PARD3B: variants seen among roughly 807,000 people sequenced by gnomAD.
PARD3B encodes the protein partitioning defective 3 homolog B.
In PARD3B, 103 loss-of-function variants were observed where a neutral mutation model predicts 130.2. The observed-to-expected ratio is 0.79, with a 90% CI of 0.67 to 0.93. The LOEUF is 0.93. Ranked by LOEUF, PARD3B falls within the 40% of genes least tolerant of loss-of-function variation. The pLI is 0.00. For missense variants in PARD3B, 1,609 were observed against 1,499.2 expected, an observed-to-expected ratio of 1.07 and a Z score of -1.21; for synonymous variants, 583 against 553.2, an observed-to-expected ratio of 1.05 and a Z score of -0.76.
At chr2:205,488,479 T>C (rs1379265581) in intron 20 of PARD3B, among the ~76,000 whole-genome samples, 1 of 152,154 alleles carries the variant, frequency 6.6e-6, no homozygotes, top group African/African-American at 2.4e-5. Context: ...TACCAGTTTA[T>C]GGCCTGGGGG....
At chr2:205,423,229 G>T (rs545031289) in intron 19 of PARD3B, among the ~76,000 whole-genome samples, 1 of 152,270 alleles carries the variant, frequency 6.6e-6, no homozygotes, top group Admixed American at 6.5e-5. Context: ...CCAGTGCTGT[G>T]TCCTCAGTGT....
intron 4 of PARD3B, among the ~76,000 whole-genome samples, chr2:205,062,813 A>T (rs1575678482): frequency 6.6e-6 from 1 of 152,182 alleles, no homozygotes; most frequent in Non-Finnish European, 1.5e-5. Context: ...ATTTTAATTT[A>T]TTCAGCATGA....
chr2:204,625,335 G>A (rs933892068), intron 1 of PARD3B, among the ~76,000 whole-genome samples: 18 of 152,072 alleles, frequency 1.2e-4, no homozygotes, highest in African/African-American at 2.2e-4. Context: ...CTTGGGCATC[G>A]GTTCTCCATG....
Position 205,397,017 on chromosome 2 carries a change from C to T in PARD3B, c.2631-3996C>T, listed in dbSNP as rs1180578475. ...CACCAAGTTGAATCTTTCCCCCTCA[C>T]TCTCTCCCCCGGTCCACTACTGCCA... On this transcript the variant is annotated intron_variant, in intron 18 of 22. Transcript: ENST00000406610. The surrounding 1 kb of genome is among the most constrained non-coding windows in gnomAD (Gnocchi z 4.8). Among the ~76,000 whole-genome samples, 1 of 152,130 alleles carries T rather than the reference C, an allele frequency of 6.6e-6. No individual in the cohort carries two copies. The highest frequency in any genetic ancestry group is 2.4e-5 in the African/African-American group (1 of 41,420).
intron 2 of PARD3B, among the ~76,000 whole-genome samples, chr2:204,699,909 C>G (rs2037811127): frequency 6.6e-6 from 1 of 152,090 alleles, no homozygotes; most frequent in South Asian, 2.1e-4. Flanking sequence ...ATATGGAATG[C>G]AGCTTCTGAC....
chr2:204,934,237 G>C (rs79923231), intron 2 of PARD3B, among the ~76,000 whole-genome samples: 1 of 152,278 alleles, frequency 6.6e-6, no homozygotes, highest in Non-Finnish European at 1.5e-5. Context: ...TTTACTGCAA[G>C]ATTTGCTAAA....
At chr2:205,042,860 C>A (rs1698487534) in intron 3 of PARD3B, among the ~76,000 whole-genome samples, 1 of 147,530 alleles carries the variant, frequency 6.8e-6, no homozygotes, top group Non-Finnish European at 1.5e-5. Context: ...AGGGCAACCT[C>A]AAATATTTAA....
Position 205,244,380 on chromosome 2 carries a change from C to G in PARD3B, c.2141-1398C>G, listed in dbSNP as rs576071806. 6.6e-6 allele frequency among the ~76,000 whole-genome samples: 1 copy of G among 152,294 alleles called. No homozygotes were observed. The highest frequency in any genetic ancestry group is 1.9e-4 in the East Asian group (1 of 5,182). On this transcript the variant is annotated intron_variant, in intron 15 of 22. Coordinates refer to ENST00000406610, the MANE Select transcript of PARD3B (RefSeq NM_001302769.2). The surrounding 1 kb of genome is among the most constrained non-coding windows in gnomAD (Gnocchi z 4.7). ...ATAGACAGTGGCACATGGTAATAAA[C>G]AGCTTTTGTTGAATATTAAAGTGAT...
intron 2 of PARD3B, among the ~76,000 whole-genome samples, chr2:204,851,696 A>G: frequency 6.6e-6 from 1 of 152,210 alleles, no homozygotes; most frequent in Non-Finnish European, 1.5e-5. Flanking sequence ...GGCCAACAGA[A>G]TGATATCAAC....
chr2:205,314,888 A>G lies in PARD3B; in HGVS notation c.2630+13187A>G, dbSNP rs1477668359. ...TTGAGGCACTGCCAGGAATCCCGTG[A>G]TGTCCGGGATGCCTCCCCCTTCCCA... On this transcript the variant is annotated intron_variant, in intron 18 of 22. Coordinates refer to ENST00000406610, the MANE Select transcript of PARD3B (RefSeq NM_001302769.2). Among the ~76,000 whole-genome samples, 3 of 152,108 alleles carry G rather than the reference A, an allele frequency of 2.0e-5. No individual in the cohort carries two copies. In the East Asian group the frequency reaches 5.8e-4, roughly 29 times the overall value.
At chr2:205,222,903 TA>T (rs1339959059) in intron 15 of PARD3B, among the ~76,000 whole-genome samples, 1 of 151,740 alleles carries the variant, frequency 6.6e-6, no homozygotes, top group East Asian at 1.9e-4. Flanking sequence ...AGTATCGTTG[TA>T]AACTGTAACT....
chr2:205,344,660 C>T (rs1213651193), intron 18 of PARD3B, among the ~76,000 whole-genome samples: 1 of 152,120 alleles, frequency 6.6e-6, no homozygotes, highest in Non-Finnish European at 1.5e-5. Flanking sequence ...TGGTTCTCAC[C>T]CAGGGGTACA....
intron 2 of PARD3B, among the ~76,000 whole-genome samples, chr2:204,862,938 C>G (rs1020614037): frequency 5.3e-5 from 8 of 152,226 alleles, no homozygotes; most frequent in African/African-American, 1.9e-4. Flanking sequence ...CACCCAGGAA[C>G]TGAAGAAGCC....
At position 205,550,778 on chromosome 2, in the gene PARD3B, A is replaced by T. The variant is rs1164614018; in HGVS notation, c.3181-2546A>T. Among the ~76,000 whole-genome samples, 2 of 150,648 alleles carry T rather than the reference A, an allele frequency of 1.3e-5. No homozygotes were observed. Among genetic ancestry groups the T allele is most frequent in the African/African-American group, 4.9e-5 (2 of 41,096 alleles). On this transcript the variant is annotated intron_variant, in intron 21 of 22. Transcript: ENST00000406610. This position sits in a 1 kb window ranked among gnomAD's most constrained non-coding sequence, Gnocchi z 4.5. ...ACTATATATAAATACATATATGTATATACATGCAAATATACAAATATATGC... is the reference window on the plus strand; with the variant it reads ...ACTATATATAAATACATATATGTATTTACATGCAAATATACAAATATATGC...
At chr2:205,181,189 G>A (rs1198405981) in intron 13 of PARD3B, among the ~76,000 whole-genome samples, 1 of 152,096 alleles carries the variant, frequency 6.6e-6, no homozygotes, top group Non-Finnish European at 1.5e-5. Flanking sequence ...TCTGTGACCT[G>A]TCTCTCTGGA....
At chr2:204,953,569 A>T (rs1351994937) in intron 2 of PARD3B, among the ~76,000 whole-genome samples, 1 of 151,974 alleles carries the variant, frequency 6.6e-6, no homozygotes, top group East Asian at 1.9e-4. Flanking sequence ...TGCTGGAGGG[A>T]TCTGGGGGAG....
At chr2:205,323,039 T>C (rs895430454) in intron 18 of PARD3B, among the ~76,000 whole-genome samples, 2 of 150,630 alleles carry the variant, frequency 1.3e-5, no homozygotes, top group African/African-American at 2.4e-5. Context: ...GCCTCCCAAG[T>C]AGCTGGGACT....
intron 18 of PARD3B, among the ~76,000 whole-genome samples, chr2:205,398,226 G>C (rs907629985): frequency 6.6e-6 from 1 of 152,082 alleles, no homozygotes; most frequent in Non-Finnish European, 1.5e-5. Flanking sequence ...GCTTGAACCC[G>C]AGAGGTGGAG....
chr2:204,991,804 G>C (rs963931796), intron 3 of PARD3B, among the ~76,000 whole-genome samples: 3 of 151,602 alleles, frequency 2.0e-5, no homozygotes, highest in African/African-American at 7.3e-5. Flanking sequence ...TAGTGGTTTT[G>C]ATTTGCATTT....
Sources: gnomAD v4.1 joint callset for allele counts (sites outside exome capture counted in the v4.1 genomes callset) on GRCh38, gnomAD v4.1.1 for gene constraint, Gnocchi (gnomAD v3.1) non-coding constraint, MANE v1.5 for transcripts, NCBI Gene and HGNC (gene_info 2026-07-23, HGNC 2026-07-21) for gene names.